RAPH1: variants seen among roughly 807,000 people sequenced by gnomAD.
RAPH1 encodes the protein ras-associated and pleckstrin homology domains-containing protein 1.
Under a neutral mutation model 88.1 loss-of-function variants are expected in RAPH1, and 18 were observed. The ratio of observed to expected loss-of-function variants is 0.20; its 90% CI spans 0.14 to 0.30. The LOEUF (loss-of-function observed/expected upper bound fraction) is 0.30. Among genes scored for constraint, RAPH1 ranks in the 10% least tolerant of loss-of-function variants. The pLI is 1.00. For missense variants in RAPH1, 1,448 were observed against 1,543.2 expected, an observed-to-expected ratio of 0.94 and a Z score of 1.03; for synonymous variants, 587 against 559.0, an observed-to-expected ratio of 1.05 and a Z score of -0.71.
chr2:203,461,313 G>C lies in RAPH1; in HGVS notation c.906C>G (p.Asp302Glu). Reference protein sequence around the residue: ...TVRQVLDNLMDKSHCGYSLDW... With the variant: ...TVRQVLDNLMEKSHCGYSLDW... ...CTAAACTATAACCGCAGTGGGATTTGTCCATCAGGTTATCCAGTACTTGTC... is the reference window on the plus strand; with the variant it reads ...CTAAACTATAACCGCAGTGGGATTTCTCCATCAGGTTATCCAGTACTTGTC... Residue 302 changes from aspartate (D) to glutamate (E), a missense_variant, in exon 6 of 14, where the codon GAC becomes GAG. By Grantham distance (45) the Asp-to-Glu change is conservative. Coordinates refer to ENST00000319170, the MANE Select transcript of RAPH1 (RefSeq NM_213589.3). The C allele has an allele frequency of 6.2e-7, 1 of 1,609,452 alleles. No individual in the cohort carries two copies. Among genetic ancestry groups the C allele is most frequent in the Non-Finnish European group, 8.5e-7 (1 of 1,177,504 alleles).
At chr2:203,494,280 C>T (rs1035866686) in intron 2 of RAPH1, among the ~76,000 whole-genome samples, 1 of 152,004 alleles carries the variant, frequency 6.6e-6, no homozygotes, top group African/African-American at 2.4e-5. Flanking sequence ...TTCTCATTGC[C>T]ATGAAGTTAA....
rs1448961800 is a variant in RAPH1, at chr2:203,435,786, CTT to C, written c.*3649_*3650del. The C allele has an allele frequency of 2.0e-5, 3 of 152,272 alleles. No individual in the cohort carries two copies. The highest frequency in any genetic ancestry group is 2.1e-4 in the South Asian group (1 of 4,824). The allele number at this position is 152,272 out of a possible 1,614,324, so 9.4% of individuals were successfully genotyped here. A position where few individuals can be genotyped will look rare whatever the true frequency, so the allele number is the denominator to read the frequency against. On this transcript the variant is annotated 3_prime_UTR_variant, in exon 14 of 14. Transcript: ENST00000319170. ...TGGGTTTTTTACCTGTTTAAAGTCACTTTGTGTTTATAACAAAATTACTTTTA... is the reference window on the plus strand; with the variant it reads ...TGGGTTTTTTACCTGTTTAAAGTCACTGTGTTTATAACAAAATTACTTTTA...
intron 1 of RAPH1, among the ~76,000 whole-genome samples, chr2:203,514,379 ACT>A (rs1689501588): frequency 6.6e-6 from 1 of 151,006 alleles, no homozygotes; most frequent in African/African-American, 2.4e-5. Context: ...TTTTGTTTTT[ACT>A]CTCTGTGTAT....
chr2:203,458,963 C>T (rs921363156), intron 7 of RAPH1, among the ~76,000 whole-genome samples: 12 of 152,180 alleles, frequency 7.9e-5, no homozygotes, highest in East Asian at 1.9e-4. Flanking sequence ...AGGGTTTCAC[C>T]GTGTTAGCCA....
chr2:203,524,654 T>C (rs1690035792), intron 1 of RAPH1, among the ~76,000 whole-genome samples: 1 of 152,190 alleles, frequency 6.6e-6, no homozygotes, highest in Non-Finnish European at 1.5e-5. Flanking sequence ...TATGATTCCA[T>C]TTATATAAAA....
intron 4 of RAPH1, among the ~76,000 whole-genome samples, chr2:203,469,069 G>A (rs140777058): frequency 6.6e-6 from 1 of 152,324 alleles, no homozygotes; most frequent in African/African-American, 2.4e-5. Context: ...GGGATTTAAG[G>A]TGCTTGTAAG....
intron 4 of RAPH1, among the ~76,000 whole-genome samples, chr2:203,467,753 G>C (rs2098529770): frequency 6.6e-6 from 1 of 151,980 alleles, no homozygotes; most frequent in Non-Finnish European, 1.5e-5. Context: ...GAATGACTGT[G>C]GTTTATTTTT....
At chr2:203,506,870 A>ATATATCTATATC (rs1689097127) in intron 1 of RAPH1, among the ~76,000 whole-genome samples, 1 of 100,756 alleles carries the variant, frequency 9.9e-6, no homozygotes, top group African/African-American at 4.8e-5. Flanking sequence ...ATATATATAT[A>ATATATCTATATC]TATATATATA....
intron 4 of RAPH1, chr2:203,470,181 A>G: frequency 8.9e-7 from 1 of 1,127,034 alleles, no homozygotes; most frequent in East Asian, 2.4e-5. Flanking sequence ...TCAAAAACAG[A>G]AATCATATTC....
intron 9 of RAPH1, among the ~76,000 whole-genome samples, chr2:203,454,878 A>G (rs1369903553): frequency 6.6e-6 from 1 of 152,218 alleles, no homozygotes; most frequent in Admixed American, 6.5e-5. Context: ...GAAAATATCA[A>G]GTCGTTCAGT....
chr2:203,474,995 C>A (rs1459210279), intron 4 of RAPH1, among the ~76,000 whole-genome samples: 2 of 152,208 alleles, frequency 1.3e-5, no homozygotes, highest in African/African-American at 4.8e-5. Context: ...CTTGTAGTCG[C>A]AGCTACTTGG....
At chr2:203,507,832 T>A (rs1689154503) in intron 1 of RAPH1, among the ~76,000 whole-genome samples, 1 of 152,154 alleles carries the variant, frequency 6.6e-6, no homozygotes, top group South Asian at 2.1e-4. Flanking sequence ...TATGACTGGA[T>A]TAGATCACAG....
intron 1 of RAPH1, among the ~76,000 whole-genome samples, chr2:203,498,373 A>C (rs143749249): frequency 3.3e-5 from 5 of 152,326 alleles, no homozygotes; most frequent in Non-Finnish European, 7.3e-5. Flanking sequence ...GTGATGTATG[A>C]ACATCGTAAC....
intron 1 of RAPH1, chr2:203,533,569 C>T (rs1036455725): frequency 6.6e-6 from 1 of 152,038 alleles, no homozygotes; most frequent in Non-Finnish European, 1.5e-5. Context: ...TCTGAATCTG[C>T]TGAAATCCTA....
chr2:203,439,836 C>T lies in RAPH1; in HGVS notation c.3354G>A (p.Lys1118=). 6.2e-7 allele frequency: 1 copy of T among 1,613,942 alleles called. No homozygotes were observed. Among genetic ancestry groups the T allele is most frequent in the South Asian group, 1.1e-5 (1 of 91,072 alleles). ...PQQWSKMSVK[K]APPPTRPKRN... ...GTTTGGGTCGTGTGGGTGGAGGGGC[C>T]TTCTTCACTGACATTTTAGACCATT... The change falls in exon 14 of 14, where the codon AAG becomes AAA. Residue 1118 remains lysine (K), a synonymous_variant. Transcript: ENST00000319170.
At chr2:203,442,000 T>C in intron 13 of RAPH1, 2 of 1,544,342 alleles carry the variant, frequency 1.3e-6, no homozygotes, top group Non-Finnish European at 1.7e-6. Context: ...CACACTCGTG[T>C]TGGTGTGAGA....
intron 1 of RAPH1, among the ~76,000 whole-genome samples, chr2:203,513,532 C>CA (rs34083519): frequency 0.049 from 2,028 of 41,612 alleles, 90 homozygotes; most frequent in African/African-American, 0.11. Context: ...GACTCTATTT[C>CA]AAAAAAAAAA....
intron 1 of RAPH1, among the ~76,000 whole-genome samples, chr2:203,520,366 G>A (rs1191891864): frequency 6.6e-6 from 1 of 150,432 alleles, no homozygotes; most frequent in Admixed American, 6.6e-5. Flanking sequence ...GGTGGCTCAT[G>A]TCTGTAATCC....
At position 203,440,824 on chromosome 2, in the gene RAPH1, G is replaced by A. The variant is rs757810608; in HGVS notation, c.2366C>T (p.Thr789Ile). The change falls in exon 14 of 14, where the codon ACC becomes ATC. Residue 789 changes from threonine to isoleucine, a missense_variant. Physicochemically the swap from Thr to Ile is moderately conservative, Grantham distance 89. Transcript: ENST00000319170. Reference sequence around the variant, plus strand: ...AACAGGTGCCACAGTCTTGGTGCTGGTTGGTGCGGGGATGGTCACAAGGGG... The same window carrying A: ...AACAGGTGCCACAGTCTTGGTGCTGATTGGTGCGGGGATGGTCACAAGGGG... ...PKPLVTIPAP[T>I]STKTVAPVVT... 2 of 1,585,764 alleles carry A rather than the reference G, an allele frequency of 1.3e-6. No homozygotes were observed. The highest frequency in any genetic ancestry group is 2.8e-5 in the African/African-American group (2 of 72,486).
Sources: allele counts gnomAD v4.1 joint callset (sites outside exome capture counted in the v4.1 genomes callset), GRCh38; gene constraint gnomAD v4.1.1; transcripts MANE v1.5; gene names NCBI Gene and HGNC (gene_info 2026-07-23, HGNC 2026-07-21).